The following LAMA2 variants were observed in gnomAD, a reference collection of about 807,000 sequenced individuals.
LAMA2 encodes the protein laminin subunit alpha 2.
Under a neutral mutation model 364.8 loss-of-function variants are expected in LAMA2, and 269 were observed. The observed-to-expected ratio is 0.74, with a 90% CI of 0.67 to 0.82. LAMA2 has a LOEUF of 0.82. Among genes scored for constraint, LAMA2 ranks in the 40% least tolerant of loss-of-function variants. LAMA2 has a pLI of 0.00. For missense variants in LAMA2, 3,807 were observed against 3,873.2 expected (o/e 0.98, Z 0.45); for synonymous variants, 1,379 against 1,370.6 (o/e 1.01, Z -0.14).
intron 35 of LAMA2, 107 bp downstream of exon 35, chr6:129,383,340 T>C (rs892042132): frequency 1.1e-6 from 1 of 907,816 alleles, no homozygotes; most frequent in Non-Finnish European, 1.8e-6. Flanking sequence ...ATCTGTAAAA[T>C]CAAAGGTAGA....
At chr6:128,973,434 TA>T (rs1377552746) in intron 1 of LAMA2, among the ~76,000 whole-genome samples, 2 of 152,226 alleles carry the variant, frequency 1.3e-5, no homozygotes, top group African/African-American at 4.8e-5. Context: ...TTTTTAAAAA[TA>T]GAAGCTAGAT....
intron 1 of LAMA2, among the ~76,000 whole-genome samples, chr6:128,918,018 A>C (rs1176003656): frequency 6.6e-6 from 1 of 151,980 alleles, no homozygotes; most frequent in African/African-American, 2.4e-5. Flanking sequence ...GGCATGAGCC[A>C]CTGCACCTGG....
intron 42 of LAMA2, 65 bp from the exon 43 acceptor site, chr6:129,440,751 A>G (rs1782065850): frequency 1.4e-6 from 2 of 1,398,300 alleles, no homozygotes; most frequent in African/African-American, 2.8e-5. Flanking sequence ...CGCTTTGTCA[A>G]GCATGGATTA....
Position 129,514,572 on chromosome 6 carries a change from CTG to C in LAMA2, c.9192_9193del (p.Phe3065CysfsTer7), listed in dbSNP as rs1786879628. 6.2e-7 allele frequency: 1 copy of C among 1,613,880 alleles called. No individual in the cohort carries two copies. Among genetic ancestry groups the C allele is most frequent in the Non-Finnish European group, 8.5e-7 (1 of 1,179,964 alleles). ...TCTACATCAGCTGACACAAATGACC[CTG>C]TGTTTGTTGGAGGCTTCCCAGGTGA... is the stretch of plus-strand genomic sequence containing the variant. On this transcript the variant is annotated frameshift_variant, in exon 64 of 65. Transcript: ENST00000421865. LOFTEE classifies it high-confidence loss of function.
Position 129,288,002 on chromosome 6 carries a change from G to C in LAMA2, c.2693G>C (p.Cys898Ser). Residue 898 changes from cysteine to serine, a missense_variant, in exon 19 of 65, where the codon TGT becomes TCT. Transcript: ENST00000421865. The stretch of plus-strand genomic sequence containing the variant: ...AAACCAGGTACAACAGGCCGGTACT[G>C]TGAGCTCTGTGCTGATGGATATTTT... ...ICKPGTTGRY[C>S]ELCADGYFGD... 1 of 1,614,112 alleles carries C rather than the reference G, an allele frequency of 6.2e-7. No individual in the cohort carries two copies. Among genetic ancestry groups the C allele is most frequent in the African/African-American group, 1.3e-5 (1 of 75,036 alleles).
intron 53 of LAMA2, 93 bp downstream of exon 53, chr6:129,475,494 A>G (rs1047461227): frequency 5.8e-6 from 5 of 859,228 alleles, no homozygotes; most frequent in Non-Finnish European, 9.6e-6. Context: ...GCAGAGCAAC[A>G]CCAGTACAGC....
chr6:129,500,190 T>C (rs1051564733), intron 58 of LAMA2, among the ~76,000 whole-genome samples: 4 of 152,196 alleles, frequency 2.6e-5, no homozygotes, highest in African/African-American at 9.7e-5. Context: ...TTTTGTCCCA[T>C]TTAAATCCTA....
At chr6:128,933,944 C>T (rs1051892540) in intron 1 of LAMA2, among the ~76,000 whole-genome samples, 2 of 152,112 alleles carry the variant, frequency 1.3e-5, no homozygotes, top group Non-Finnish European at 2.9e-5. Flanking sequence ...TAGTTTGCTG[C>T]AGTTACACTT....
chr6:129,337,306 C>G (rs768787366), intron 29 of LAMA2, among the ~76,000 whole-genome samples: 7 of 152,240 alleles, frequency 4.6e-5, no homozygotes, highest in Non-Finnish European at 7.4e-5. Flanking sequence ...CAAGTCACAG[C>G]TAGAGACTTA....
intron 1 of LAMA2, among the ~76,000 whole-genome samples, chr6:128,951,117 A>G (rs1362046118): frequency 6.6e-6 from 1 of 152,180 alleles, no homozygotes; most frequent in African/African-American, 2.4e-5. Flanking sequence ...TGAGATTTCT[A>G]TGATGGTCAT....
At chr6:129,307,877 G>A (rs1773977265) in intron 22 of LAMA2, among the ~76,000 whole-genome samples, 1 of 152,170 alleles carries the variant, frequency 6.6e-6, no homozygotes, top group African/African-American at 2.4e-5. Flanking sequence ...ATTCCACTGG[G>A]TTGTGAAATA....
intron 2 of LAMA2, among the ~76,000 whole-genome samples, chr6:129,053,100 C>T (rs539977979): frequency 2.0e-3 from 309 of 152,186 alleles, no homozygotes; most frequent in Non-Finnish European, 3.6e-3. Flanking sequence ...TATTTTGAGA[C>T]GGAGTTTTGC....
chr6:129,470,448 A>G (rs930631144), intron 51 of LAMA2, among the ~76,000 whole-genome samples: 1 of 151,968 alleles, frequency 6.6e-6, no homozygotes, highest in African/African-American at 2.4e-5. Flanking sequence ...GAGTTTGCCC[A>G]GATGGCTAAA....
Position 129,008,479 on chromosome 6 carries a change from G to A in LAMA2, c.113-41439G>A, listed in dbSNP as rs139640002. 3.0e-4 allele frequency among the ~76,000 whole-genome samples: 46 copies of A among 152,244 alleles called. No homozygotes were observed. In the East Asian group the frequency reaches 8.7e-3, roughly 29 times the overall value. On this transcript the variant is annotated intron_variant, in intron 1 of 64. Coordinates refer to ENST00000421865, the MANE Select transcript of LAMA2 (RefSeq NM_000426.4). ...TCTAATTTATCATAACCCTGGGAGA[G>A]TGGAAATATTGCTATTCTTATTTTA...
intron 22 of LAMA2, among the ~76,000 whole-genome samples, chr6:129,303,001 T>G (rs897547337): frequency 5.9e-5 from 9 of 152,136 alleles, no homozygotes; most frequent in Admixed American, 1.3e-4. Context: ...AAAAGCCTGC[T>G]AGGATTTGGC....
At chr6:128,943,480 C>G (rs1780301880) in intron 1 of LAMA2, among the ~76,000 whole-genome samples, 1 of 151,088 alleles carries the variant, frequency 6.6e-6, no homozygotes, top group South Asian at 2.1e-4. Context: ...TTTGAAGAGA[C>G]AGGGTTTTGC....
chr6:129,271,352 G>A (rs1011491951), intron 17 of LAMA2, among the ~76,000 whole-genome samples: 1 of 151,844 alleles, frequency 6.6e-6, no homozygotes, highest in African/African-American at 2.4e-5. Context: ...TTACCTTTTA[G>A]AGGAATGCTA....
intron 12 of LAMA2, among the ~76,000 whole-genome samples, chr6:129,249,539 A>G (rs1786022404): frequency 1.3e-5 from 2 of 152,224 alleles, no homozygotes; most frequent in South Asian, 4.1e-4. Flanking sequence ...ATTTAATTGC[A>G]CAGAGGAAAG....
At chr6:129,489,941 AT>A (rs1330562979) in intron 56 of LAMA2, among the ~76,000 whole-genome samples, 40 of 148,906 alleles carry the variant, frequency 2.7e-4, no homozygotes, top group Non-Finnish European at 5.2e-4. Flanking sequence ...AAAAAAAAAA[AT>A]AAAGCTGACC....
Sources: allele counts gnomAD v4.1 joint callset (sites outside exome capture counted in the v4.1 genomes callset), GRCh38; gene constraint gnomAD v4.1.1; transcripts MANE v1.5; gene names NCBI Gene and HGNC (gene_info 2026-07-23, HGNC 2026-07-21).